The following EPHA7 variants were observed in gnomAD, a reference collection of about 807,000 sequenced individuals.
EPHA7 encodes the protein EPH receptor A7, also known as ephrin type-A receptor 7.
In EPHA7, 25 loss-of-function variants were observed where a neutral mutation model predicts 112.6. The ratio of observed to expected loss-of-function variants is 0.22; its 90% CI spans 0.16 to 0.31. The LOEUF (loss-of-function observed/expected upper bound fraction) is 0.31. Ranked by LOEUF, EPHA7 falls within the 10% of genes least tolerant of loss-of-function variation. The pLI, the probability that EPHA7 is intolerant of heterozygous loss-of-function variation, is 1.00. For missense variants in EPHA7, 962 were observed against 1,212.6 expected (o/e 0.79, Z 3.07); for synonymous variants, 437 against 406.5 (o/e 1.07, Z -0.90).
intron 1 of EPHA7, 107 bp downstream of exon 1, chr6:93,419,138 C>T (rs964429028): frequency 1.2e-5 from 10 of 857,036 alleles, no homozygotes; most frequent in South Asian, 2.3e-5. Flanking sequence ...GGGGGAGGGT[C>T]GCCCGGCGCC....
intron 3 of EPHA7, among the ~76,000 whole-genome samples, chr6:93,363,900 T>A (rs1374336218): frequency 6.6e-6 from 1 of 152,162 alleles, no homozygotes; most frequent in African/African-American, 2.4e-5. Context: ...TAAAACAACA[T>A]GGATGAATCT....
intron 1 of EPHA7, among the ~76,000 whole-genome samples, chr6:93,415,774 C>G (rs527579701): frequency 6.6e-6 from 1 of 152,104 alleles, no homozygotes; most frequent in South Asian, 2.1e-4. Flanking sequence ...TGTCAATAGG[C>G]TTAACATCAG....
chr6:93,247,666 C>CCAGT (rs147516798), intron 14 of EPHA7, among the ~76,000 whole-genome samples: 10,552 of 151,988 alleles, frequency 0.069, 936 homozygotes, highest in African/African-American at 0.21. Context: ...CAGGGCTTTC[C>CCAGT]CAGAGAGCTG....
At chr6:93,392,701 T>A (rs1404259650) in intron 3 of EPHA7, among the ~76,000 whole-genome samples, 1 of 151,988 alleles carries the variant, frequency 6.6e-6, no homozygotes, top group East Asian at 1.9e-4. Flanking sequence ...ATAGGTTGAT[T>A]TTAATGGCTT....
At chr6:93,340,898 A>G (rs772024467) in intron 5 of EPHA7, among the ~76,000 whole-genome samples, 5 of 151,972 alleles carry the variant, frequency 3.3e-5, no homozygotes, top group African/African-American at 7.2e-5. Flanking sequence ...ACACTTATAA[A>G]TGCCATCACA....
chr6:93,311,062 A>T (rs1773509461), intron 5 of EPHA7, among the ~76,000 whole-genome samples: 1 of 147,658 alleles, frequency 6.8e-6, no homozygotes, highest in Non-Finnish European at 1.5e-5. Context: ...TGATCCTCCC[A>T]CATCAGTCTC....
chr6:93,274,465 A>G (rs528451599), intron 5 of EPHA7, among the ~76,000 whole-genome samples: 144 of 152,060 alleles, frequency 9.5e-4, no homozygotes, highest in African/African-American at 3.4e-3. Context: ...AATTATAGCA[A>G]TTGGGAACTG....
At chr6:93,304,973 C>T (rs1773177547) in intron 5 of EPHA7, among the ~76,000 whole-genome samples, 2 of 152,048 alleles carry the variant, frequency 1.3e-5, no homozygotes, top group South Asian at 2.1e-4. Context: ...TGCCTCACCA[C>T]CCCATTTCTA....
intron 3 of EPHA7, among the ~76,000 whole-genome samples, chr6:93,383,646 T>C (rs1453305733): frequency 1.3e-5 from 2 of 152,196 alleles, no homozygotes; most frequent in Admixed American, 6.5e-5. Flanking sequence ...TAAGGAGATA[T>C]TAGTTTTGAT....
intron 5 of EPHA7, among the ~76,000 whole-genome samples, chr6:93,352,301 A>G (rs577395991): frequency 3.2e-4 from 48 of 152,250 alleles, no homozygotes; most frequent in African/African-American, 1.2e-3. Context: ...TGTTTTTATT[A>G]ACGTTCATAC....
chr6:93,392,061 C>A (rs890593389), intron 3 of EPHA7, among the ~76,000 whole-genome samples: 4 of 151,968 alleles, frequency 2.6e-5, no homozygotes, highest in African/African-American at 9.7e-5. Context: ...ACAGTACATT[C>A]TCCTGCTCTA....
At chr6:93,349,506 GT>G (rs1775579835) in intron 5 of EPHA7, among the ~76,000 whole-genome samples, 1 of 151,802 alleles carries the variant, frequency 6.6e-6, no homozygotes, top group Admixed American at 6.6e-5. Context: ...CGGCATAGGT[GT>G]ACATATGAAT....
intron 5 of EPHA7, among the ~76,000 whole-genome samples, chr6:93,294,801 C>G (rs1277073980): frequency 6.6e-6 from 1 of 151,962 alleles, no homozygotes; most frequent in Non-Finnish European, 1.5e-5. Flanking sequence ...TGATAAGTCA[C>G]AATGTTGGAG....
chr6:93,383,271 TG>T (rs1777436205), intron 3 of EPHA7, among the ~76,000 whole-genome samples: 1 of 145,496 alleles, frequency 6.9e-6, no homozygotes, highest in African/African-American at 2.6e-5. Flanking sequence ...CTCGTGTGTG[TG>T]TGTGTGTGTG....
At chr6:93,259,620 C>CTACT (rs1425601136) in intron 9 of EPHA7, 141 bp from the exon 10 acceptor site, 1 of 920,296 alleles carries the variant, frequency 1.1e-6, no homozygotes. Context: ...TTTTAACAGA[C>CTACT]TACTTCAGTC....
At chr6:93,414,618 GA>G (rs1562171160) in intron 2 of EPHA7, 84 bp downstream of exon 2, 1 of 970,404 alleles carries the variant, frequency 1.0e-6, no homozygotes, top group African/African-American at 1.6e-5. Flanking sequence ...TATACATGAA[GA>G]GTGTGAATAA....
intron 5 of EPHA7, among the ~76,000 whole-genome samples, chr6:93,295,066 C>T (rs566128435): frequency 8.0e-5 from 12 of 149,616 alleles, no homozygotes; most frequent in East Asian, 7.8e-4. Flanking sequence ...ATAAAGAGAA[C>T]GAGGAAAGGA....
chr6:93,411,960 T>C (rs928209317), intron 2 of EPHA7, among the ~76,000 whole-genome samples: 3 of 152,046 alleles, frequency 2.0e-5, no homozygotes, highest in Non-Finnish European at 4.4e-5. Context: ...ATAATGTACA[T>C]TACAAACAAA....
At chr6:93,394,281 C>CA (rs1432102224) in intron 3 of EPHA7, among the ~76,000 whole-genome samples, 1 of 151,618 alleles carries the variant, frequency 6.6e-6, no homozygotes, top group African/African-American at 2.4e-5. Flanking sequence ...AGCTACAACT[C>CA]AAATACGCAC....
Sources: gnomAD v4.1 joint callset for allele counts (sites outside exome capture counted in the v4.1 genomes callset) on GRCh38, gnomAD v4.1.1 for gene constraint, MANE v1.5 for transcripts, NCBI Gene and HGNC (gene_info 2026-07-23, HGNC 2026-07-21) for gene names.